The following TBC1D22A variants were observed in gnomAD, a reference collection of about 807,000 sequenced individuals.
The protein encoded by TBC1D22A is putative GTPase activator.
TBC1D22A carries 38 observed loss-of-function variants against 60.2 expected under a neutral mutation model. The observed-to-expected ratio is 0.63, with a 90% confidence interval of 0.49 to 0.83. The LOEUF (loss-of-function observed/expected upper bound fraction) is 0.83, where lower values mean the gene tolerates loss of function less well. Among genes scored for constraint, TBC1D22A ranks in the 40% least tolerant of loss-of-function variants. The pLI, the probability that TBC1D22A is intolerant of heterozygous loss-of-function variation, is 0.00. For synonymous variants in TBC1D22A, 302 were observed against 281.7 expected (o/e 1.07, Z -0.72); for missense variants, 628 against 701.0 (o/e 0.90, Z 1.18).
rs1022087989 is a variant in TBC1D22A, at chr22:47,137,963, G to A, written c.1425+26360G>A. 9.9e-5 allele frequency among the ~76,000 whole-genome samples: 15 copies of A among 152,136 alleles called. No homozygotes were observed. The East Asian group carries it at 1.2e-3, about 12-fold the overall frequency. On this transcript the variant is annotated intron_variant, in intron 12 of 12. Coordinates refer to ENST00000337137, the MANE Select transcript of TBC1D22A (RefSeq NM_014346.5). ...TCTTCAGGGCTCAGCATCTCCATCC[G>A]TGTGATGTTACTGGCACCCCCTCTC... is the stretch of plus-strand genomic sequence containing the variant.
chr22:46,908,669 C>T lies in TBC1D22A; in HGVS notation c.901-3405C>T, dbSNP rs1004808015. Among the ~76,000 whole-genome samples the T allele has an allele frequency of 2.0e-5, 3 of 152,110 alleles. No homozygotes were observed. The East Asian group carries it at 5.8e-4, about 29-fold the overall frequency. On this transcript the variant is annotated intron_variant, in intron 7 of 12. Coordinates refer to ENST00000337137, the MANE Select transcript of TBC1D22A (RefSeq NM_014346.5). ...TACTACCCAGGCTGGTGCGGAGCGT[C>T]CCGGAGTCTGGGTGGGCAGAGGCCC... is the stretch of plus-strand genomic sequence containing the variant.
intron 11 of TBC1D22A, among the ~76,000 whole-genome samples, chr22:47,094,906 T>C (rs1470980367): frequency 6.6e-6 from 1 of 152,042 alleles, no homozygotes; most frequent in Non-Finnish European, 1.5e-5. Context: ...CCAGTTGGAA[T>C]GTTCTCAAGA....
intron 10 of TBC1D22A, among the ~76,000 whole-genome samples, chr22:47,008,497 A>G (rs1210922445): frequency 6.6e-6 from 1 of 152,178 alleles, no homozygotes; most frequent in East Asian, 1.9e-4. Context: ...CCTCCCTTGG[A>G]TCCACATTTC....
intron 10 of TBC1D22A, among the ~76,000 whole-genome samples, chr22:47,019,729 A>G (rs1232775113): frequency 1.3e-5 from 2 of 151,994 alleles, no homozygotes; most frequent in East Asian, 1.9e-4. Context: ...AAGGTATGCT[A>G]GGATGATCCA....
intron 5 of TBC1D22A, among the ~76,000 whole-genome samples, chr22:46,891,065 G>A (rs900926136): frequency 6.6e-6 from 1 of 151,838 alleles, no homozygotes; most frequent in African/African-American, 2.4e-5. Flanking sequence ...GAGTGCTGTC[G>A]GGAGTGGTGC....
At chr22:46,766,613 G>A (rs2083295240) in intron 1 of TBC1D22A, among the ~76,000 whole-genome samples, 2 of 152,128 alleles carry the variant, frequency 1.3e-5, no homozygotes, top group Non-Finnish European at 2.9e-5. Context: ...TAGACTCACT[G>A]CAATCACTGC....
chr22:47,171,676 C>T (rs9637352), intron 12 of TBC1D22A, among the ~76,000 whole-genome samples: 41,341 of 152,062 alleles, frequency 0.27, 6,453 homozygotes, highest in East Asian at 0.59. Flanking sequence ...ACCTGCCCTG[C>T]CCTTGGTGGG....
At chr22:46,897,338 C>T (rs141205878) in intron 7 of TBC1D22A, among the ~76,000 whole-genome samples, 9 of 152,150 alleles carry the variant, frequency 5.9e-5, no homozygotes, top group Non-Finnish European at 8.8e-5. Context: ...AGTAGTGGCC[C>T]GCTATCAGTC....
chr22:46,922,612 A>G (rs2070820361), intron 8 of TBC1D22A, among the ~76,000 whole-genome samples: 1 of 152,130 alleles, frequency 6.6e-6, no homozygotes, highest in Non-Finnish European at 1.5e-5. Flanking sequence ...TTTTTTGAGC[A>G]GTGTTTTGTA....
intron 8 of TBC1D22A, among the ~76,000 whole-genome samples, chr22:46,971,279 C>T (rs957853379): frequency 1.3e-5 from 2 of 152,180 alleles, no homozygotes; most frequent in Admixed American, 6.5e-5. Context: ...CCTGGCTCTG[C>T]GAGTCGGAGC....
chr22:47,169,380 A>T (rs1430595783), intron 12 of TBC1D22A, among the ~76,000 whole-genome samples: 1 of 152,048 alleles, frequency 6.6e-6, no homozygotes, highest in Non-Finnish European at 1.5e-5. Flanking sequence ...GAACCAACAC[A>T]TCCCTCTCCC....
intron 12 of TBC1D22A, among the ~76,000 whole-genome samples, chr22:47,114,258 T>G (rs2065951203): frequency 6.7e-6 from 1 of 149,436 alleles, no homozygotes. Context: ...GGGTGTGGGG[T>G]GTGGGGTGTG....
chr22:47,172,006 A>AGTGAGTCCG (rs1236057767), intron 12 of TBC1D22A, among the ~76,000 whole-genome samples: 2 of 90,316 alleles, frequency 2.2e-5, no homozygotes, highest in African/African-American at 1.2e-4. Context: ...CGGTGAGCCC[A>AGTGAGTCCG]GTGTGCCTAC....
intron 10 of TBC1D22A, among the ~76,000 whole-genome samples, chr22:47,015,354 C>T (rs928905931): frequency 6.6e-6 from 1 of 152,224 alleles, no homozygotes. Context: ...TTCACACGCT[C>T]AAAGCATTTC....
intron 4 of TBC1D22A, among the ~76,000 whole-genome samples, chr22:46,856,145 A>G (rs2087558159): frequency 6.6e-6 from 1 of 152,222 alleles, no homozygotes; most frequent in South Asian, 2.1e-4. Flanking sequence ...CCTGGGGTAC[A>G]GCACGTGCCA....
intron 11 of TBC1D22A, among the ~76,000 whole-genome samples, chr22:47,096,402 T>G (rs2065174515): frequency 6.6e-6 from 1 of 152,230 alleles, no homozygotes; most frequent in African/African-American, 2.4e-5. Flanking sequence ...TACGAATCCT[T>G]TGTCAGTCAC....
Position 47,106,401 on chromosome 22 carries a change from C to T in TBC1D22A, c.1330-5107C>T, listed in dbSNP as rs2065633412. Among the ~76,000 whole-genome samples, 3 of 152,188 alleles carry T rather than the reference C, an allele frequency of 2.0e-5. No homozygotes were observed. In the South Asian group the frequency reaches 6.2e-4, roughly 32 times the overall value. The stretch of plus-strand genomic sequence containing the variant: ...GACAAAGAAGTTATTCACAAGCAGC[C>T]AGAGAGGAAAGTTAGATTGCTTATG... On this transcript the variant is annotated intron_variant, in intron 11 of 12. Transcript: ENST00000337137.
chr22:47,158,523 C>A lies in TBC1D22A; in HGVS notation c.1426-14975C>A, dbSNP rs549167452. Among the ~76,000 whole-genome samples, 55 of 152,262 alleles carry A rather than the reference C, an allele frequency of 3.6e-4. No homozygotes were observed. The South Asian group carries it at 0.011, about 30-fold the overall frequency. On this transcript the variant is annotated intron_variant, in intron 12 of 12. Transcript: ENST00000337137. ...ATACCCAGCCCCGACAGGTTCTTCA[C>A]ACATGGATCACGGCCCACCCTCTGC... is the stretch of plus-strand genomic sequence containing the variant.
At chr22:46,945,799 G>T (rs2072499362) in intron 8 of TBC1D22A, among the ~76,000 whole-genome samples, 1 of 152,322 alleles carries the variant, frequency 6.6e-6, no homozygotes, top group African/African-American at 2.4e-5. Context: ...TCCTTCTGTA[G>T]AGGCGGGTCG....
Sources: allele counts gnomAD v4.1 joint callset (sites outside exome capture counted in the v4.1 genomes callset), GRCh38; gene constraint gnomAD v4.1.1; transcripts MANE v1.5; gene names NCBI Gene and HGNC (gene_info 2026-07-23, HGNC 2026-07-21).